Variants in CDH12 observed in about 807,000 individuals in gnomAD.
CDH12 encodes cadherin 12.
A neutral mutation model predicts 74.1 loss-of-function variants in CDH12; 41 were observed. The observed-to-expected ratio is 0.55, with a 90% CI of 0.43 to 0.72. The LOEUF is 0.72. CDH12 is among the 30% of genes least tolerant of loss of function. The probability of loss-of-function intolerance (pLI) is 0.00; values close to 1 mark genes in which losing one functional copy is unlikely to be tolerated. For missense variants in CDH12, 945 were observed against 977.2 expected (o/e 0.97, Z 0.44); for synonymous variants, 399 against 355.0 (o/e 1.12, Z -1.39).
At chr5:22,350,010 A>G (rs757135414) in intron 3 of CDH12, among the ~76,000 whole-genome samples, 1 of 152,262 alleles carries the variant, frequency 6.6e-6, no homozygotes, top group Admixed American at 6.5e-5. Flanking sequence ...TACTTTCTGT[A>G]ACATATGAGG....
chr5:21,779,781 T>C (rs781685337), intron 11 of CDH12, among the ~76,000 whole-genome samples: 7 of 152,198 alleles, frequency 4.6e-5, no homozygotes, highest in Admixed American at 1.3e-4. Context: ...GGTGATGATA[T>C]TCCCTGTTCA....
At chr5:22,726,595 T>C (rs1281385415) in intron 1 of CDH12, among the ~76,000 whole-genome samples, 1 of 151,892 alleles carries the variant, frequency 6.6e-6, no homozygotes, top group Non-Finnish European at 1.5e-5. Flanking sequence ...AGAGAGCTCC[T>C]ATTGCTTCAC....
At chr5:22,349,391 A>C (rs2150462797) in intron 3 of CDH12, among the ~76,000 whole-genome samples, 1 of 152,312 alleles carries the variant, frequency 6.6e-6, no homozygotes, top group African/African-American at 2.4e-5. Context: ...ACCTGAAATT[A>C]TAATTTCTCT....
intron 6 of CDH12, among the ~76,000 whole-genome samples, chr5:21,949,098 A>G (rs1372780783): frequency 6.6e-6 from 1 of 152,220 alleles, no homozygotes; most frequent in Non-Finnish European, 1.5e-5. Context: ...GACTAATACA[A>G]GTACATTTTA....
intron 1 of CDH12, among the ~76,000 whole-genome samples, chr5:22,846,584 AT>A (rs1737314692): frequency 6.6e-6 from 1 of 152,234 alleles, no homozygotes; most frequent in East Asian, 1.9e-4. Flanking sequence ...TGTGAAAAAA[AT>A]CATCTAAACA....
At chr5:22,501,746 T>TAAAA (rs11379349) in intron 2 of CDH12, among the ~76,000 whole-genome samples, 2 of 143,728 alleles carry the variant, frequency 1.4e-5, no homozygotes, top group Non-Finnish European at 1.5e-5. Flanking sequence ...CAAAGTATAT[T>TAAAA]AAAAAAAAAA....
At chr5:22,737,007 T>C (rs1219849180) in intron 1 of CDH12, among the ~76,000 whole-genome samples, 2 of 151,978 alleles carry the variant, frequency 1.3e-5, no homozygotes, top group Non-Finnish European at 2.9e-5. Context: ...AAATAATGTA[T>C]AGTTAAGACT....
chr5:22,174,895 A>G (rs1460240621), intron 4 of CDH12, among the ~76,000 whole-genome samples: 1 of 151,966 alleles, frequency 6.6e-6, no homozygotes, highest in Non-Finnish European at 1.5e-5. Context: ...TTTGAAAGAA[A>G]TTTTGCTGTG....
At chr5:22,152,221 G>A (rs1463248298) in intron 4 of CDH12, 1 of 150,494 alleles carries the variant, frequency 6.6e-6, no homozygotes, top group Admixed American at 6.6e-5. Context: ...ACCCTCCTTG[G>A]TTTACCTCCA....
At chr5:21,771,151 C>T (rs1316216794) in intron 11 of CDH12, among the ~76,000 whole-genome samples, 1 of 151,832 alleles carries the variant, frequency 6.6e-6, no homozygotes, top group East Asian at 1.9e-4. Context: ...ATGCAACTTA[C>T]ATACATAACA....
intron 1 of CDH12, among the ~76,000 whole-genome samples, chr5:22,553,397 A>C (rs997334218): frequency 1.3e-5 from 2 of 152,180 alleles, no homozygotes; most frequent in African/African-American, 4.8e-5. Flanking sequence ...TGTAATCCTG[A>C]ATAAAGCACC....
At chr5:22,748,737 C>T (rs1291289106) in intron 1 of CDH12, among the ~76,000 whole-genome samples, 1 of 152,136 alleles carries the variant, frequency 6.6e-6, no homozygotes, top group Admixed American at 6.5e-5. Context: ...GATGTGACGA[C>T]ATTTCCATAT....
chr5:22,508,864 ACC>A (rs1293298068), intron 1 of CDH12, among the ~76,000 whole-genome samples: 3 of 152,142 alleles, frequency 2.0e-5, no homozygotes, highest in Admixed American at 2.0e-4. Context: ...ACCAAGCTGT[ACC>A]CCGACAACCT....
intron 1 of CDH12, among the ~76,000 whole-genome samples, chr5:22,677,274 T>C (rs1423803425): frequency 2.0e-5 from 3 of 152,128 alleles, no homozygotes; most frequent in Non-Finnish European, 2.9e-5. Context: ...TACCTTAGAT[T>C]GGATAATTTG....
At chr5:22,486,073 G>T (rs1424587042) in intron 2 of CDH12, among the ~76,000 whole-genome samples, 1 of 152,164 alleles carries the variant, frequency 6.6e-6, no homozygotes, top group Non-Finnish European at 1.5e-5. Context: ...CTGCTGCCCC[G>T]TGCCTGCCCT....
intron 6 of CDH12, among the ~76,000 whole-genome samples, chr5:21,871,414 G>T (rs16888880): frequency 0.79 from 120,005 of 152,126 alleles, 49,346 homozygotes; most frequent in Non-Finnish European, 0.91. Context: ...TTTCCACGTA[G>T]TACTGCTATT....
At chr5:22,025,559 G>T (rs1472979966) in intron 5 of CDH12, among the ~76,000 whole-genome samples, 1 of 152,152 alleles carries the variant, frequency 6.6e-6, no homozygotes, top group African/African-American at 2.4e-5. Flanking sequence ...CAGGGTGGTG[G>T]TTGCTGAAGG....
intron 1 of CDH12, among the ~76,000 whole-genome samples, chr5:22,821,532 CAA>C (rs1291294089): frequency 6.6e-6 from 1 of 152,150 alleles, no homozygotes; most frequent in East Asian, 1.9e-4. Flanking sequence ...GCAACTCCAG[CAA>C]AGTCTCAGGA....
intron 1 of CDH12, among the ~76,000 whole-genome samples, chr5:22,796,238 T>C (rs1218408022): frequency 6.6e-6 from 1 of 152,178 alleles, no homozygotes; most frequent in Non-Finnish European, 1.5e-5. Flanking sequence ...ATATGGTAGT[T>C]CTATTTTTAA....
Sources: gnomAD v4.1 joint callset for allele counts (sites outside exome capture counted in the v4.1 genomes callset) on GRCh38, gnomAD v4.1.1 for gene constraint, MANE v1.5 for transcripts, NCBI Gene and HGNC (gene_info 2026-07-23, HGNC 2026-07-21) for gene names.